Variants in MAP4K4 observed in about 807,000 individuals in gnomAD.
MAP4K4 encodes HPK/GCK-like kinase HGK.
MAP4K4 carries 38 observed loss-of-function variants against 189.6 expected under a neutral mutation model. That is an observed-to-expected ratio of 0.20 (90% CI 0.15 to 0.26). The LOEUF is 0.26. Ranked by LOEUF, MAP4K4 falls within the 10% of genes least tolerant of loss-of-function variation. The pLI, the probability that MAP4K4 is intolerant of heterozygous loss-of-function variation, is 1.00. For synonymous variants in MAP4K4, 610 were observed against 624.3 expected (o/e 0.98, Z 0.34); for missense variants, 1,054 against 1,726.9 (o/e 0.61, Z 6.91).
intron 2 of MAP4K4, among the ~76,000 whole-genome samples, chr2:101,757,345 C>T (rs955614798): frequency 1.3e-5 from 2 of 152,126 alleles, no homozygotes; most frequent in African/African-American, 4.8e-5. Context: ...GCATTTATCT[C>T]TTTTTCTACA....
intron 2 of MAP4K4, among the ~76,000 whole-genome samples, chr2:101,781,851 A>G (rs973489292): frequency 1.3e-5 from 2 of 152,148 alleles, no homozygotes; most frequent in Admixed American, 1.3e-4. Flanking sequence ...GATTTTTACT[A>G]CAGTGATAGC....
At chr2:101,881,757 A>G (rs1039778149) in intron 27 of MAP4K4, among the ~76,000 whole-genome samples, 1 of 152,144 alleles carries the variant, frequency 6.6e-6, no homozygotes, top group Non-Finnish European at 1.5e-5. Context: ...GTTTTGTCAA[A>G]TGTTTTTCTG....
intron 2 of MAP4K4, among the ~76,000 whole-genome samples, chr2:101,787,531 T>G (rs1028160039): frequency 6.6e-6 from 1 of 152,190 alleles, no homozygotes; most frequent in Non-Finnish European, 1.5e-5. Flanking sequence ...AGCGCAGGCT[T>G]AAGCTTGTAG....
chr2:101,729,351 G>A lies in MAP4K4; in HGVS notation c.123+30813G>A, dbSNP rs184432441. 1.7e-3 allele frequency among the ~76,000 whole-genome samples: 254 copies of A among 152,276 alleles called. 1 individual carries two copies. Among genetic ancestry groups the A allele is most frequent in the Non-Finnish European group, 1.1e-3 (72 of 68,020 alleles). Reference sequence around the variant, plus strand: ...CAGTACAGCCAGTTTATTTGGTCAAGACTAGCATCTTTTAATTGAATAGAA... The same window carrying A: ...CAGTACAGCCAGTTTATTTGGTCAAAACTAGCATCTTTTAATTGAATAGAA... On this transcript the variant is annotated intron_variant, in intron 2 of 32. Coordinates refer to ENST00000324219, the Ensembl canonical transcript of MAP4K4.
intron 20 of MAP4K4, 100 bp from the exon 21 acceptor site, chr2:101,867,929 T>C: frequency 1.7e-6 from 2 of 1,145,588 alleles, no homozygotes; most frequent in South Asian, 1.3e-5. Context: ...CTGATTTCTG[T>C]ACTTCTCCCT....
intron 16 of MAP4K4, among the ~76,000 whole-genome samples, chr2:101,863,514 C>G (rs2097728359): frequency 1.3e-5 from 2 of 152,160 alleles, no homozygotes; most frequent in South Asian, 4.1e-4. Context: ...CCCCTTTGGG[C>G]TCTGAGAGCC....
chr2:101,775,650 T>C (rs1314176186), intron 2 of MAP4K4, among the ~76,000 whole-genome samples: 2 of 152,138 alleles, frequency 1.3e-5, no homozygotes, highest in African/African-American at 4.8e-5. Context: ...GCCATCTGTT[T>C]TATTTTTCCT....
chr2:101,762,892 T>A (rs1404854003), intron 2 of MAP4K4, among the ~76,000 whole-genome samples: 2 of 152,158 alleles, frequency 1.3e-5, no homozygotes, highest in Admixed American at 6.5e-5. Context: ...CCAGCAGCTG[T>A]TTTGGGCTGG....
chr2:101,704,152 GA>G (rs1354418699), intron 2 of MAP4K4, among the ~76,000 whole-genome samples: 1 of 152,134 alleles, frequency 6.6e-6, no homozygotes, highest in Non-Finnish European at 1.5e-5. Context: ...GGGGCAAAAT[GA>G]ATTTTGTAGA....
Position 101,823,924 on chromosome 2 carries a change from T to C in MAP4K4, c.181-4T>C, listed in dbSNP as rs764573013. ...CACACATTTTATTTTTATTTTTTCATAAGGATGAAGAGGAAGAAATCAAAC... is the reference window on the plus strand; with the variant it reads ...CACACATTTTATTTTTATTTTTTCACAAGGATGAAGAGGAAGAAATCAAAC... On this transcript the variant is annotated splice_polypyrimidine_tract_variant and splice_region_variant and intron_variant, in intron 3 of 32. Transcript: ENST00000324219. 1.1e-5 allele frequency: 18 copies of C among 1,593,292 alleles called. No individual in the cohort carries two copies. In the African/African-American group the frequency reaches 2.2e-4, roughly 19 times the overall value.
intron 2 of MAP4K4, among the ~76,000 whole-genome samples, chr2:101,715,961 A>G (rs1200720395): frequency 6.6e-6 from 1 of 152,148 alleles, no homozygotes; most frequent in Non-Finnish European, 1.5e-5. Flanking sequence ...AACTGTGCAT[A>G]TGAAGGATCT....
At chr2:101,776,108 C>T (rs1051193868) in intron 2 of MAP4K4, among the ~76,000 whole-genome samples, 39 of 152,148 alleles carry the variant, frequency 2.6e-4, no homozygotes, top group Admixed American at 2.5e-3. Flanking sequence ...CCCATCAAGC[C>T]GTAGTGGCAG....
intron 24 of MAP4K4, 54 bp from the exon 25 acceptor site, chr2:101,873,593 A>G (rs1210691997): frequency 3.3e-6 from 3 of 918,206 alleles, no homozygotes; most frequent in South Asian, 2.8e-5. Context: ...TGTATTTTTA[A>G]TGTTCATTTT....
chr2:101,858,239 C>T (rs955745178), intron 13 of MAP4K4, among the ~76,000 whole-genome samples: 20 of 152,172 alleles, frequency 1.3e-4, no homozygotes, highest in African/African-American at 4.3e-4. Context: ...CTTTATAATA[C>T]GCATGCAGCT....
At chr2:101,814,980 T>C (rs1236304359) in intron 3 of MAP4K4, among the ~76,000 whole-genome samples, 1 of 152,220 alleles carries the variant, frequency 6.6e-6, no homozygotes, top group East Asian at 1.9e-4. Context: ...TACTAGCCAT[T>C]GGCCTTGCCC....
chr2:101,700,781 GTTT>G (rs5832982), intron 2 of MAP4K4, among the ~76,000 whole-genome samples: 1 of 140,846 alleles, frequency 7.1e-6, no homozygotes, highest in South Asian at 2.3e-4. Flanking sequence ...AGTAAAATGT[GTTT>G]TTTTTTTTTT....
chr2:101,729,077 G>GAAAGAGAGA (rs70946662), intron 2 of MAP4K4, among the ~76,000 whole-genome samples: 106 of 128,748 alleles, frequency 8.2e-4, no homozygotes, highest in South Asian at 1.5e-3. Flanking sequence ...ATTAGAGAGA[G>GAAAGAGAGA]GAGAGAGAGA....
At chr2:101,760,000 C>A (rs2075473433) in intron 2 of MAP4K4, among the ~76,000 whole-genome samples, 1 of 151,764 alleles carries the variant, frequency 6.6e-6, no homozygotes, top group Non-Finnish European at 1.5e-5. Flanking sequence ...CACGCCACCA[C>A]ACCTGGCTAA....
At chr2:101,743,218 G>A (rs990440367) in intron 2 of MAP4K4, among the ~76,000 whole-genome samples, 6 of 152,212 alleles carry the variant, frequency 3.9e-5, no homozygotes, top group Admixed American at 2.0e-4. Flanking sequence ...AGATGCTTCC[G>A]TCTATCTGAC....
Sources: allele counts gnomAD v4.1 joint callset (sites outside exome capture counted in the v4.1 genomes callset), GRCh38; gene constraint gnomAD v4.1.1; transcripts MANE v1.5; gene names NCBI Gene and HGNC (gene_info 2026-07-23, HGNC 2026-07-21).